The following FAM110B variants were observed in gnomAD, a reference collection of about 807,000 sequenced individuals.
FAM110B encodes family with sequence similarity 110 member B, also known as protein FAM110B.
A neutral mutation model predicts 20.4 loss-of-function variants in FAM110B; 6 were observed. The observed-to-expected ratio is 0.29, with a 90% CI of 0.16 to 0.58. The LOEUF (loss-of-function observed/expected upper bound fraction) is 0.58. Ranked by LOEUF, FAM110B falls within the 20% of genes least tolerant of loss-of-function variation. The pLI is 0.90. For synonymous variants in FAM110B, 226 were observed against 214.1 expected (o/e 1.06, Z -0.49); for missense variants, 434 against 498.2 (o/e 0.87, Z 1.23).
Position 58,147,200 on chromosome 8 carries a change from A to G in FAM110B, c.970A>G (p.Ser324Gly), listed in dbSNP as rs762979111. The G allele has an allele frequency of 6.2e-7, 1 of 1,614,140 alleles. No homozygotes were observed. The highest frequency in any genetic ancestry group is 1.1e-5 in the South Asian group (1 of 91,070). The change falls in exon 4 of 4, where the codon AGT becomes GGT. Residue 324 changes from serine (S) to glycine (G), a missense_variant. Physicochemically the swap from Ser to Gly is moderately conservative, Grantham distance 56 (BLOSUM62 0). Transcript: ENST00000519262. ...CTCAGACTGTGAACAGTCTCAGGACAGTAACAGTGACCTTAGAAATGATGA... is the reference window on the plus strand; with the variant it reads ...CTCAGACTGTGAACAGTCTCAGGACGGTAACAGTGACCTTAGAAATGATGA... ...ISSDCEQSQD[S>G]NSDLRNDDSA...
intron 2 of FAM110B, among the ~76,000 whole-genome samples, chr8:58,056,931 G>A (rs1805557770): frequency 6.6e-6 from 1 of 152,148 alleles, no homozygotes; most frequent in African/African-American, 2.4e-5. Context: ...CAGGTGGGAC[G>A]CAAGGCCGAA....
intron 1 of FAM110B, among the ~76,000 whole-genome samples, chr8:58,028,104 C>T (rs80284818): frequency 0.028 from 4,306 of 152,186 alleles, 203 homozygotes; most frequent in African/African-American, 0.097. Context: ...CTTATAAACA[C>T]TTTATATTTT....
At chr8:58,054,653 A>G (rs1419643521) in intron 2 of FAM110B, among the ~76,000 whole-genome samples, 1 of 152,182 alleles carries the variant, frequency 6.6e-6, no homozygotes, top group African/African-American at 2.4e-5. Context: ...AGGTGGGAGC[A>G]TAGTCTTGGG....
At position 58,145,956 on chromosome 8, in the gene FAM110B, C is replaced by A; in HGVS notation, c.-275C>A. The A allele has an allele frequency of 2.7e-6, 1 of 374,702 alleles. No homozygotes were observed. The highest frequency in any genetic ancestry group is 4.9e-6 in the Non-Finnish European group (1 of 206,124). 23.2% of individuals were successfully genotyped at this position (374,702 alleles called of 1,614,324 possible). On this transcript the variant is annotated 5_prime_UTR_variant, in exon 4 of 4. Transcript: ENST00000519262. ...ACCTGGAGGAGACTCCCACCTCCTTCAGGGAGAAGAAAGGAGGCAGCGAAG... is the reference window on the plus strand; with the variant it reads ...ACCTGGAGGAGACTCCCACCTCCTTAAGGGAGAAGAAAGGAGGCAGCGAAG...
intron 2 of FAM110B, among the ~76,000 whole-genome samples, chr8:58,051,677 TA>T (rs1805444792): frequency 6.6e-6 from 1 of 152,094 alleles, no homozygotes; most frequent in Non-Finnish European, 1.5e-5. Flanking sequence ...TTTCAAATGG[TA>T]AAAAGTACTA....
chr8:58,115,212 C>T (rs1807171735), intron 3 of FAM110B, among the ~76,000 whole-genome samples: 1 of 150,700 alleles, frequency 6.6e-6, no homozygotes, highest in Non-Finnish European at 1.5e-5. Flanking sequence ...TTTAGAATGA[C>T]AAAAAGTAAT....
At chr8:58,071,293 A>T (rs1805891391) in intron 2 of FAM110B, among the ~76,000 whole-genome samples, 1 of 152,188 alleles carries the variant, frequency 6.6e-6, no homozygotes, top group Non-Finnish European at 1.5e-5. Context: ...TTTTATACCA[A>T]AAACGCCTTT....
intron 1 of FAM110B, among the ~76,000 whole-genome samples, chr8:58,002,746 A>G (rs1444900289): frequency 6.6e-6 from 1 of 152,228 alleles, no homozygotes; most frequent in Non-Finnish European, 1.5e-5. Context: ...AAAACAATGT[A>G]CATACCTTAA....
chr8:58,032,653 C>A (rs1401561246), intron 2 of FAM110B: 1 of 152,128 alleles, frequency 6.6e-6, no homozygotes, highest in Non-Finnish European at 1.5e-5. Context: ...GAGTTGGGGG[C>A]CACTGGCACA....
chr8:58,084,217 A>G (rs889173527), intron 3 of FAM110B, among the ~76,000 whole-genome samples: 7 of 152,214 alleles, frequency 4.6e-5, no homozygotes, highest in African/African-American at 7.2e-5. Context: ...AGTAGAAGGT[A>G]TGGATGGTGT....
intron 2 of FAM110B, among the ~76,000 whole-genome samples, chr8:58,069,422 A>T (rs776644185): frequency 6.6e-6 from 1 of 152,182 alleles, no homozygotes; most frequent in Non-Finnish European, 1.5e-5. Flanking sequence ...GGTAATGGAG[A>T]TCCAGAACTG....
At chr8:58,046,746 G>T (rs1337054500) in intron 2 of FAM110B, among the ~76,000 whole-genome samples, 2 of 152,170 alleles carry the variant, frequency 1.3e-5, no homozygotes, top group African/African-American at 4.8e-5. Context: ...CACTTATTTT[G>T]CAAGAAGAGT....
chr8:58,106,318 C>T (rs770499850), intron 3 of FAM110B: 20 of 152,092 alleles, frequency 1.3e-4, no homozygotes, highest in Non-Finnish European at 2.4e-4. Flanking sequence ...GTTCTGTGCA[C>T]ATTTATTATT....
chr8:58,133,255 A>G (rs902926005), intron 3 of FAM110B, among the ~76,000 whole-genome samples: 1 of 151,606 alleles, frequency 6.6e-6, no homozygotes, highest in Non-Finnish European at 1.5e-5. Context: ...GAGGCCGGTA[A>G]GTGAACAAAG....
At chr8:58,037,298 GT>G (rs1805094169) in intron 2 of FAM110B, among the ~76,000 whole-genome samples, 1 of 144,826 alleles carries the variant, frequency 6.9e-6, no homozygotes. Flanking sequence ...CTAAAAGGAA[GT>G]TTTTTTGGTT....
At chr8:58,132,928 A>G (rs903061950) in intron 3 of FAM110B, among the ~76,000 whole-genome samples, 5 of 152,140 alleles carry the variant, frequency 3.3e-5, no homozygotes, top group African/African-American at 9.7e-5. Flanking sequence ...CACTTTGGGG[A>G]GTTATTTTTC....
intron 2 of FAM110B, among the ~76,000 whole-genome samples, chr8:58,051,407 A>G (rs1487506537): frequency 6.6e-6 from 1 of 152,228 alleles, no homozygotes; most frequent in African/African-American, 2.4e-5. Flanking sequence ...CTCATTTATC[A>G]GTGGTAAGGG....
At chr8:58,131,656 C>T (rs1803471544) in intron 3 of FAM110B, among the ~76,000 whole-genome samples, 1 of 152,224 alleles carries the variant, frequency 6.6e-6, no homozygotes, top group South Asian at 2.1e-4. Context: ...TTCTTTTCAG[C>T]ACCCATGCTT....
chr8:58,113,857 T>A (rs573327285), intron 3 of FAM110B, among the ~76,000 whole-genome samples: 1 of 152,354 alleles, frequency 6.6e-6, no homozygotes, highest in Non-Finnish European at 1.5e-5. Context: ...TAGATTCATG[T>A]CTTAGCTGAA....
Sources: gnomAD v4.1 joint callset for allele counts (sites outside exome capture counted in the v4.1 genomes callset) on GRCh38, gnomAD v4.1.1 for gene constraint, MANE v1.5 for transcripts, NCBI Gene and HGNC (gene_info 2026-07-23, HGNC 2026-07-21) for gene names.